The following PCID2 variants were observed in gnomAD, a reference collection of about 807,000 sequenced individuals.
The protein encoded by PCID2 is PCI domain-containing protein 2.
In PCID2, 41 loss-of-function variants were observed where a neutral mutation model predicts 61.3. The ratio of observed to expected loss-of-function variants is 0.67; its 90% CI spans 0.52 to 0.87. The LOEUF (loss-of-function observed/expected upper bound fraction) is 0.87. PCID2 is among the 40% of genes least tolerant of loss of function. The pLI is 0.00. For missense variants in PCID2, 392 were observed against 493.4 expected (o/e 0.79, Z 1.95); for synonymous variants, 187 against 177.8 (o/e 1.05, Z -0.41).
intron 6 of PCID2, among the ~76,000 whole-genome samples, chr13:113,194,451 T>C (rs1042954065): frequency 2.6e-5 from 4 of 152,086 alleles, no homozygotes; most frequent in Non-Finnish European, 4.4e-5. Context: ...CCACCTCCCA[T>C]AGCCATGCCG....
At chr13:113,172,282 C>CT in the PCID2 span, 1 of 780,058 alleles carries the variant, frequency 1.3e-6, no homozygotes, top group South Asian at 1.6e-5. Flanking sequence ...TTACCGAGCA[C>CT]TGTGACCTTT....
the PCID2 span, among the ~76,000 whole-genome samples, chr13:113,168,035 G>A: frequency 6.6e-5 from 10 of 152,274 alleles, no homozygotes; most frequent in East Asian, 1.9e-3. Context: ...GCTGTAGCAT[G>A]AGTCCTTACA....
At chr13:113,167,791 T>C in the PCID2 span, among the ~76,000 whole-genome samples, 2 of 151,448 alleles carry the variant, frequency 1.3e-5, no homozygotes, top group African/African-American at 4.9e-5. Flanking sequence ...TTTATTGTAA[T>C]TGTCGATATG....
chr13:113,207,271 T>C (rs1170621024), intron 1 of PCID2, among the ~76,000 whole-genome samples: 2 of 152,234 alleles, frequency 1.3e-5, no homozygotes, highest in Non-Finnish European at 1.5e-5. Context: ...AAGGAAACAG[T>C]TGTTTCTCTA....
intron 7 of PCID2, chr13:113,188,593 C>T (rs2038330714): frequency 6.6e-6 from 1 of 152,182 alleles, no homozygotes; most frequent in Non-Finnish European, 1.5e-5. Context: ...CGGGAAGACG[C>T]CGTAAAAGGA....
intron 1 of PCID2, among the ~76,000 whole-genome samples, chr13:113,203,721 G>A (rs2039597970): frequency 6.6e-6 from 1 of 152,124 alleles, no homozygotes; most frequent in Admixed American, 6.5e-5. Flanking sequence ...GAGACCATCT[G>A]ACCAGGTGCA....
intron 7 of PCID2, among the ~76,000 whole-genome samples, chr13:113,188,956 T>A (rs1415829070): frequency 2.0e-5 from 3 of 152,178 alleles, no homozygotes; most frequent in Non-Finnish European, 2.9e-5. Context: ...TGGATGTGGT[T>A]TTTTGGCCAC....
the PCID2 span, among the ~76,000 whole-genome samples, chr13:113,170,158 T>C: frequency 6.6e-6 from 1 of 152,228 alleles, no homozygotes; most frequent in Non-Finnish European, 1.5e-5. Context: ...TGATCACTGT[T>C]ACTTCACCTG....
chr13:113,192,712 G>A (rs2038715934), intron 6 of PCID2, among the ~76,000 whole-genome samples: 1 of 152,182 alleles, frequency 6.6e-6, no homozygotes, highest in Admixed American at 6.5e-5. Flanking sequence ...GGGTTTGGGG[G>A]TTGGGTTTTT....
intron 1 of PCID2, chr13:113,200,744 G>A (rs1214156325): frequency 2.9e-6 from 1 of 340,566 alleles, no homozygotes; most frequent in South Asian, 2.7e-5. Flanking sequence ...CTGTCGCCCA[G>A]GTCGGACTGC....
chr13:113,197,214 A>T lies in PCID2; in HGVS notation c.230T>A (p.Phe77Tyr), dbSNP rs2039083877. 5.0e-6 allele frequency: 8 copies of T among 1,613,762 alleles called. No homozygotes were observed. Among genetic ancestry groups the T allele is most frequent in the Non-Finnish European group, 6.8e-6 (8 of 1,179,760 alleles). The change falls in exon 4 of 14, where the codon TTC becomes TAC. Residue 77 changes from phenylalanine to tyrosine, a missense_variant. By Grantham distance (22) the Phe-to-Tyr change is conservative. Transcript: ENST00000337344. ...RCTYAVGNHD[F>Y]IEAYKCQTVI... is the part of the protein sequence containing the mutation. The stretch of plus-strand genomic sequence containing the variant: ...GGTCTGGCACTTGTATGCCTCTATG[A>T]AGTCATGATTCCCCACTGCATAAGT...
At chr13:113,197,285 T>C in intron 3 of PCID2, 42 bp from the exon 4 acceptor site, 2 of 1,391,388 alleles carry the variant, frequency 1.4e-6, no homozygotes, top group South Asian at 1.2e-5. Context: ...AATAAAAACC[T>C]AGCACTAGTT....
chr13:113,166,884 T>A, the PCID2 span, among the ~76,000 whole-genome samples: 1 of 152,100 alleles, frequency 6.6e-6, no homozygotes, highest in South Asian at 2.1e-4. Context: ...GCGGTTCTAG[T>A]CTGCAACCGT....
chr13:113,185,589 C>T, intron 7 of PCID2, 29 bp from the exon 8 acceptor site: 1 of 1,410,772 alleles, frequency 7.1e-7, no homozygotes, highest in Non-Finnish European at 9.9e-7. Flanking sequence ...TTTTAAGTTA[C>T]ATAGGAAATA....
downstream of PCID2, among the ~76,000 whole-genome samples, chr13:113,176,506 CA>C (rs2037188965): frequency 6.6e-6 from 1 of 152,302 alleles, no homozygotes; most frequent in Non-Finnish European, 1.5e-5. Context: ...ACATGCCTGT[CA>C]CCCCAGCACT....
At chr13:113,189,719 G>A (rs1467439752) in intron 7 of PCID2, among the ~76,000 whole-genome samples, 13 of 141,342 alleles carry the variant, frequency 9.2e-5, no homozygotes, top group South Asian at 2.3e-4. Flanking sequence ...TGAAGGAGAG[G>A]AAAAAAAAAA....
At chr13:113,187,226 C>T (rs2038197371) in intron 7 of PCID2, 1 of 152,222 alleles carries the variant, frequency 6.6e-6, no homozygotes, top group South Asian at 2.1e-4. Context: ...ATGGTAATAT[C>T]GTAGCTGGTC....
At chr13:113,191,425 A>G (rs1358883355) in intron 6 of PCID2, among the ~76,000 whole-genome samples, 1 of 152,154 alleles carries the variant, frequency 6.6e-6, no homozygotes, top group African/African-American at 2.4e-5. Flanking sequence ...GTACTATAAT[A>G]TTTTTAAAAA....
At chr13:113,169,643 C>A in the PCID2 span, among the ~76,000 whole-genome samples, 1 of 152,222 alleles carries the variant, frequency 6.6e-6, no homozygotes, top group Non-Finnish European at 1.5e-5. Context: ...AAGTCTAGAG[C>A]TAGTTATTCT....
Sources: allele counts gnomAD v4.1 joint callset (sites outside exome capture counted in the v4.1 genomes callset), GRCh38; gene constraint gnomAD v4.1.1; transcripts MANE v1.5; gene names NCBI Gene and HGNC (gene_info 2026-07-23, HGNC 2026-07-21).